ACCS: variants seen among roughly 807,000 people sequenced by gnomAD.
The protein encoded by ACCS is 1-aminocyclopropane-1-carboxylate synthase-like protein 1.
ACCS carries 42 observed loss-of-function variants against 59.8 expected under a neutral mutation model. That is an observed-to-expected ratio of 0.70 (90% CI 0.55 to 0.91). The LOEUF (loss-of-function observed/expected upper bound fraction) is 0.91, where lower values mean the gene tolerates loss of function less well. Ranked by LOEUF, ACCS falls within the 40% of genes least tolerant of loss-of-function variation. The pLI, the probability that ACCS is intolerant of heterozygous loss-of-function variation, is 0.00. For synonymous variants in ACCS, 230 were observed against 240.3 expected, an observed-to-expected ratio of 0.96 and a Z score of 0.40; for missense variants, 602 against 630.4, an observed-to-expected ratio of 0.95 and a Z score of 0.48.
chr11:44,073,347 C>A (rs746198896), intron 3 of ACCS, 100 bp from the exon 4 acceptor site: 27 of 977,962 alleles, frequency 2.8e-5, no homozygotes, highest in Non-Finnish European at 3.8e-5. Flanking sequence ...CTCGCAGTTT[C>A]TCTGATGAGC....
chr11:44,070,121 T>C (rs972191211), intron 2 of ACCS, among the ~76,000 whole-genome samples: 1 of 151,664 alleles, frequency 6.6e-6, no homozygotes, highest in African/African-American at 2.4e-5. Flanking sequence ...GTGGTGGAGG[T>C]GATAGAACCT....
intron 4 of ACCS, among the ~76,000 whole-genome samples, chr11:44,074,359 T>G (rs562786723): frequency 6.6e-6 from 1 of 152,166 alleles, no homozygotes; most frequent in South Asian, 2.1e-4. Context: ...TAGCTAGATC[T>G]CCATGGAGGG....
intron 7 of ACCS, 126 bp from the exon 8 acceptor site, chr11:44,077,718 TG>T (rs1953440986): frequency 9.5e-6 from 14 of 1,467,884 alleles, no homozygotes; most frequent in African/African-American, 1.4e-5. Flanking sequence ...GGACCCCACC[TG>T]CTTTTCCAGA....
At position 44,066,689 on chromosome 11, in the gene ACCS, G is replaced by C. The variant is rs1292834182; in HGVS notation, c.-13G>C. ...TGCCCTTCCTCGGACCTGGGCTGTCGGGAGAGCTGGAGGTGAGCGCTCTTG... is the reference window on the plus strand; with the variant it reads ...TGCCCTTCCTCGGACCTGGGCTGTCCGGAGAGCTGGAGGTGAGCGCTCTTG... On this transcript the variant is annotated 5_prime_UTR_variant, in exon 1 of 15. Coordinates refer to ENST00000263776, the MANE Select transcript of ACCS (RefSeq NM_032592.4). 3.9e-5 allele frequency: 6 copies of C among 152,300 alleles called. No homozygotes were observed. The highest frequency in any genetic ancestry group is 1.4e-4 in the African/African-American group (6 of 41,446). 9.4% of individuals were successfully genotyped at this position (152,300 alleles called of 1,614,324 possible).
chr11:44,078,832 G>T (rs752395107), intron 9 of ACCS, 48 bp downstream of exon 9: 2 of 1,540,370 alleles, frequency 1.3e-6, no homozygotes, highest in Admixed American at 1.7e-5. Context: ...GCAGCCTGGG[G>T]TTCCAATGCG....
chr11:44,069,107 T>C (rs1350928211), intron 2 of ACCS, among the ~76,000 whole-genome samples: 1 of 152,246 alleles, frequency 6.6e-6, no homozygotes, highest in Non-Finnish European at 1.5e-5. Flanking sequence ...GTGTTAGTTA[T>C]CTATTGTTGC....
At chr11:44,080,719 A>G in intron 10 of ACCS, 8 of 446,714 alleles carry the variant, frequency 1.8e-5, no homozygotes, top group South Asian at 4.9e-5. Context: ...TCCCAGGGGG[A>G]GTGGTTAGGG....
At chr11:44,075,912 C>CT (rs917469909) in intron 6 of ACCS, 1 of 257,650 alleles carries the variant, frequency 3.9e-6, no homozygotes, top group Non-Finnish European at 7.4e-6. Flanking sequence ...GTGCCTGTCT[C>CT]TTTTTTATCA....
intron 7 of ACCS, 64 bp downstream of exon 7, chr11:44,077,440 G>A: frequency 6.2e-7 from 1 of 1,605,112 alleles, no homozygotes; most frequent in Admixed American, 1.7e-5. Context: ...TCCTGGGTCT[G>A]AATTTGAGGG....
rs1953313585 is a variant in ACCS at position 44,075,514 on chromosome 11, T to C, written c.490-12T>C. 4 of 1,613,840 alleles carry C rather than the reference T, an allele frequency of 2.5e-6. No homozygotes were observed. Among genetic ancestry groups the C allele is most frequent in the African/African-American group, 1.3e-5 (1 of 74,944 alleles). On this transcript the variant is annotated splice_polypyrimidine_tract_variant and intron_variant, in intron 5 of 14. Coordinates refer to ENST00000263776, the MANE Select transcript of ACCS (RefSeq NM_032592.4). ...CTGGTTCATCTTCATCCCTTGGATA[T>C]GTCGCCCTTAGGTGGTTGTCCTGAA...
At chr11:44,071,605 T>C (rs1442764675) in intron 3 of ACCS, 13 of 326,698 alleles carry the variant, frequency 4.0e-5, no homozygotes, top group African/African-American at 2.5e-4. Flanking sequence ...GTGGTGTAGG[T>C]ATTTAGCAAT....
At chr11:44,080,864 G>C in intron 10 of ACCS, 156 bp from the exon 11 acceptor site, 1 of 847,182 alleles carries the variant, frequency 1.2e-6, no homozygotes, top group Non-Finnish European at 1.9e-6. Context: ...CTGCTCTAAA[G>C]GATGCATGGG....
Position 44,073,566 on chromosome 11 carries a change from A to T in ACCS, c.419+49A>T, listed in dbSNP as rs1247024651. 4.5e-6 allele frequency: 7 copies of T among 1,541,048 alleles called. No homozygotes were observed. The Admixed American group carries it at 7.7e-5, about 17-fold the overall frequency. ...TTTGTCCCCCTGGGGATGTGTGGCA[A>T]TGTTGGGAGACATTTTTGGTTGTTA... On this transcript the variant is annotated intron_variant, in intron 4 of 14. Transcript: ENST00000263776.
At chr11:44,071,709 T>A (rs1219575299) in intron 3 of ACCS, 1 of 174,298 alleles carries the variant, frequency 5.7e-6, no homozygotes, top group Non-Finnish European at 1.2e-5. Context: ...AAGCTCCTTA[T>A]GTGATATCAC....
chr11:44,073,617 C>A (rs1953169187), intron 4 of ACCS, 100 bp downstream of exon 4: 2 of 1,215,738 alleles, frequency 1.6e-6, no homozygotes. Flanking sequence ...GTGCTCCTGG[C>A]ATTTAGTGTG....
At chr11:44,073,636 AG>A in intron 4 of ACCS, 119 bp downstream of exon 4, 2 of 981,212 alleles carry the variant, frequency 2.0e-6, no homozygotes, top group South Asian at 3.2e-5. Flanking sequence ...TGTAGAGGTC[AG>A]GGATGCTGCC....
At chr11:44,079,117 C>G in intron 9 of ACCS, 1 of 389,282 alleles carries the variant, frequency 2.6e-6, no homozygotes, top group Non-Finnish European at 4.7e-6. Context: ...TCACAACAAC[C>G]CTCATACAAT....
chr11:44,071,251 T>A lies in ACCS; in HGVS notation c.289-5T>A, dbSNP rs946363667. On this transcript the variant is annotated splice_polypyrimidine_tract_variant and splice_region_variant and intron_variant, in intron 2 of 14. Transcript: ENST00000263776. Reference sequence around the variant, plus strand: ...TAACTCTGCCTCTGTACCTCTCATCTCCAGGGCATCATTAACTTGGGCACC... The same window carrying A: ...TAACTCTGCCTCTGTACCTCTCATCACCAGGGCATCATTAACTTGGGCACC... 4.3e-6 allele frequency: 7 copies of A among 1,613,984 alleles called. 2 individuals are homozygous for A. The South Asian group carries it at 4.4e-5, about 10-fold the overall frequency.
At chr11:44,078,583 C>A (rs1328358691) in intron 8 of ACCS, 101 bp from the exon 9 acceptor site, 1 of 934,798 alleles carries the variant, frequency 1.1e-6, no homozygotes, top group Non-Finnish European at 1.7e-6. Flanking sequence ...ATGTCCCCCT[C>A]AAATCTCCCT....
Sources: gnomAD v4.1 joint callset for allele counts (sites outside exome capture counted in the v4.1 genomes callset) on GRCh38, gnomAD v4.1.1 for gene constraint, MANE v1.5 for transcripts, NCBI Gene and HGNC (gene_info 2026-07-23, HGNC 2026-07-21) for gene names.